The following BCAS3 variants were observed in gnomAD, a reference collection of about 807,000 sequenced individuals.
BCAS3 encodes BCAS3 microtubule associated cell migration factor, also known as BCAS4/BCAS3 fusion.
Under a neutral mutation model 116.1 loss-of-function variants are expected in BCAS3, and 53 were observed. That is an observed-to-expected ratio of 0.46 (90% CI 0.37 to 0.57). The LOEUF is 0.57. Among genes scored for constraint, BCAS3 ranks in the 20% least tolerant of loss-of-function variants. The pLI is 0.00. For missense variants in BCAS3, 917 were observed against 1,165.4 expected (o/e 0.79, Z 3.10); for synonymous variants, 391 against 408.2 (o/e 0.96, Z 0.51).
chr17:61,309,230 C>T lies in BCAS3; in HGVS notation c.2426-59097C>T, dbSNP rs918106823. Among the ~76,000 whole-genome samples the T allele has an allele frequency of 2.0e-5, 3 of 152,208 alleles. No homozygotes were observed. The highest frequency in any genetic ancestry group is 4.4e-5 in the Non-Finnish European group (3 of 68,042). On this transcript the variant is annotated intron_variant, in intron 22 of 23. Coordinates refer to ENST00000407086, the MANE Select transcript of BCAS3 (RefSeq NM_017679.5). The surrounding 1 kb of genome is among the most constrained non-coding windows in gnomAD (Gnocchi z 4.6). ...TATAAGGGAATTAGATAACTCTCTA[C>T]GTGATTTGCAAACACCTCAAAATTG...
rs2143700652 is a variant in BCAS3 at position 61,392,085 on chromosome 17, A to G, written c.2702A>G (p.Glu901Gly). 6.2e-7 allele frequency: 1 copy of G among 1,613,748 alleles called. No individual in the cohort carries two copies. ...DGYRSPLPTNESQPLSLFPTG... is the reference protein window; with the variant it reads ...DGYRSPLPTNGSQPLSLFPTG... ...TACCGATCTCCGCTGCCCACCAATG[A>G]GAGCCAGCCCCTCAGCCTCTTCCCG... The change falls in exon 24 of 24, where the codon GAG (glutamate) becomes GGG (glycine). Residue 901 changes from glutamate (E) to glycine (G), a missense_variant. Around this residue, in one of 3 missense-constraint regions of BCAS3, gnomAD observed 109 missense variants for 122.8 expected, o/e 0.89. Transcript: ENST00000407086. This position sits in a 1 kb window ranked among gnomAD's most constrained non-coding sequence, Gnocchi z 6.4.
rs1414336793 is a variant in BCAS3, at chr17:61,327,527, CAG to C, written c.2426-40797_2426-40796del. Among the ~76,000 whole-genome samples, 2 of 150,952 alleles carry C rather than the reference CAG, an allele frequency of 1.3e-5. No homozygotes were observed. The highest frequency in any genetic ancestry group is 3.0e-5 in the Non-Finnish European group (2 of 67,796). ...GAAGCAAAATTTTTTTTTTTTTAGA[CAG>C]AGTCTCACTCTGTCACCCAGGCTGG... On this transcript the variant is annotated intron_variant, in intron 22 of 23. Transcript: ENST00000407086. This position sits in a 1 kb window ranked among gnomAD's most constrained non-coding sequence, Gnocchi z 5.9.
In BCAS3 at chr17:61,243,962, T is replaced by TTTTAAG. The variant is rs2047730266; in HGVS notation, c.2426-124362_2426-124361insAAGTTT. The stretch of plus-strand genomic sequence containing the variant: ...TACCACAACCTGCTAATTTTTTAAG[T>TTTTAAG]TTTTTTTTTCAAGAGACAGAGTCTT... On this transcript the variant is annotated intron_variant, in intron 22 of 23. Transcript: ENST00000407086. This position sits in a 1 kb window ranked among gnomAD's most constrained non-coding sequence, Gnocchi z 5.6. Among the ~76,000 whole-genome samples the TTTTAAG allele has an allele frequency of 6.7e-6, 1 of 149,278 alleles. No individual in the cohort carries two copies. The highest frequency in any genetic ancestry group is 2.1e-4 in the South Asian group (1 of 4,706).
chr17:60,963,021 G>A (rs540004246), intron 14 of BCAS3, among the ~76,000 whole-genome samples: 5 of 152,250 alleles, frequency 3.3e-5, no homozygotes, highest in South Asian at 2.1e-4. Context: ...TGTTCTTGGC[G>A]TCTTTGTCAA....
intron 22 of BCAS3, among the ~76,000 whole-genome samples, chr17:61,116,957 G>A (rs1323552983): frequency 1.3e-5 from 2 of 152,012 alleles, no homozygotes; most frequent in African/African-American, 2.4e-5. Context: ...CCTATGATGT[G>A]TCTTCTAGTG....
chr17:61,140,943 GT>G lies in BCAS3; in HGVS notation c.2425+56389del, dbSNP rs377161639. 7.0e-4 allele frequency among the ~76,000 whole-genome samples: 104 copies of G among 148,074 alleles called. No homozygotes were observed. Among genetic ancestry groups the G allele is most frequent in the African/African-American group, 1.3e-3 (52 of 40,370 alleles). On this transcript the variant is annotated intron_variant, in intron 22 of 23. Coordinates refer to ENST00000407086, the MANE Select transcript of BCAS3 (RefSeq NM_017679.5). The surrounding 1 kb of genome is among the most constrained non-coding windows in gnomAD (Gnocchi z 4.2). ...CCCTGTGCTCTTTGTCCATTTGAGT[GT>G]TTTTTTTTTCCCCCAAAAGTATAAT... is the stretch of plus-strand genomic sequence containing the variant.
At chr17:60,756,070 C>T (rs1307503852) in intron 6 of BCAS3, among the ~76,000 whole-genome samples, 2 of 151,506 alleles carry the variant, frequency 1.3e-5, no homozygotes, top group Admixed American at 6.6e-5. Flanking sequence ...ACCTTTTTGA[C>T]ATCAGGGACC....
At chr17:61,350,553 G>A (rs1177076482) in intron 22 of BCAS3, among the ~76,000 whole-genome samples, 1 of 151,850 alleles carries the variant, frequency 6.6e-6, no homozygotes, top group Non-Finnish European at 1.5e-5. Context: ...TATTCACAAA[G>A]CCAAGATATG....
intron 22 of BCAS3, among the ~76,000 whole-genome samples, chr17:61,268,594 G>T (rs60520713): frequency 0.073 from 10,983 of 149,968 alleles, 719 homozygotes; most frequent in African/African-American, 0.18. Flanking sequence ...TGTTTTTTTT[G>T]TTTTTTGAGA....
Position 60,807,985 on chromosome 17 carries a change from A to G in BCAS3, c.404-19A>G. 3 of 1,556,122 alleles carry G rather than the reference A, an allele frequency of 1.9e-6. No homozygotes were observed. Among genetic ancestry groups the G allele is most frequent in the Non-Finnish European group, 2.6e-6 (3 of 1,133,130 alleles). Reference sequence around the variant, plus strand: ...TAATATTCCTCAAAGCTTACAATTTATTTTATCCTTCCTGTCAGGTGCTCA... The same window carrying G: ...TAATATTCCTCAAAGCTTACAATTTGTTTTATCCTTCCTGTCAGGTGCTCA... On this transcript the variant is annotated intron_variant, in intron 6 of 23. Coordinates refer to ENST00000407086, the MANE Select transcript of BCAS3 (RefSeq NM_017679.5).
At chr17:61,386,228 CA>C (rs1224883815) in intron 23 of BCAS3, among the ~76,000 whole-genome samples, 3 of 152,202 alleles carry the variant, frequency 2.0e-5, no homozygotes, top group African/African-American at 4.8e-5. Flanking sequence ...AGCAGGTGGC[CA>C]GGGGGTGTGC....
intron 4 of BCAS3, among the ~76,000 whole-genome samples, chr17:60,707,143 A>G (rs2037265993): frequency 6.6e-6 from 1 of 151,742 alleles, no homozygotes; most frequent in Non-Finnish European, 1.5e-5. Flanking sequence ...AGGCATACGC[A>G]CCACCATGCC....
At chr17:61,212,323 G>A (rs1042650158) in intron 22 of BCAS3, among the ~76,000 whole-genome samples, 2 of 152,086 alleles carry the variant, frequency 1.3e-5, no homozygotes, top group South Asian at 2.1e-4. Flanking sequence ...CTGCAGCCTC[G>A]AACTCCTGGG....
At chr17:61,046,400 T>C (rs2068354715) in intron 19 of BCAS3, among the ~76,000 whole-genome samples, 2 of 151,458 alleles carry the variant, frequency 1.3e-5, no homozygotes, top group Non-Finnish European at 2.9e-5. Flanking sequence ...ATATAGTCAT[T>C]CCTTGGTGTC....
intron 22 of BCAS3, among the ~76,000 whole-genome samples, chr17:61,206,598 G>A (rs1000070008): frequency 6.6e-6 from 1 of 151,778 alleles, no homozygotes; most frequent in East Asian, 1.9e-4. Context: ...TCAGGAGTTC[G>A]AGACCAGCCT....
intron 22 of BCAS3, among the ~76,000 whole-genome samples, chr17:61,331,201 A>G (rs1431765682): frequency 6.6e-6 from 1 of 152,102 alleles, no homozygotes; most frequent in Admixed American, 6.6e-5. Context: ...TAGGGGATGG[A>G]GAAGATGGGG....
rs1468586471 is a variant in BCAS3 at position 61,130,439 on chromosome 17, G to C, written c.2425+45875G>C. On this transcript the variant is annotated intron_variant, in intron 22 of 23. Coordinates refer to ENST00000407086, the MANE Select transcript of BCAS3 (RefSeq NM_017679.5). This position sits in a 1 kb window ranked among gnomAD's most constrained non-coding sequence, Gnocchi z 5.0. ...CAAAACCGATTCTTAATTACCTCTT[G>C]CCTGGGACACTGCAGAAGTAACCAA... Among the ~76,000 whole-genome samples the C allele has an allele frequency of 6.6e-6, 1 of 152,076 alleles. No homozygotes were observed. The highest frequency in any genetic ancestry group is 1.5e-5 in the Non-Finnish European group (1 of 68,020).
At chr17:60,804,068 G>T (rs1234039217) in intron 6 of BCAS3, among the ~76,000 whole-genome samples, 1 of 150,868 alleles carries the variant, frequency 6.6e-6, no homozygotes, top group Non-Finnish European at 1.5e-5. Flanking sequence ...CTCCCAAAGT[G>T]CTGGGATTAC....
chr17:60,801,800 T>C (rs959855345), intron 6 of BCAS3, among the ~76,000 whole-genome samples: 1 of 152,186 alleles, frequency 6.6e-6, no homozygotes, highest in Non-Finnish European at 1.5e-5. Context: ...GATAAAATCG[T>C]AGTTTTTTGT....
Sources: gnomAD v4.1 joint callset for allele counts (sites outside exome capture counted in the v4.1 genomes callset) on GRCh38, gnomAD v4.1.1 for gene constraint, gnomAD v4.1.1 regional missense constraint, Gnocchi (gnomAD v3.1) non-coding constraint, MANE v1.5 for transcripts, NCBI Gene and HGNC (gene_info 2026-07-23, HGNC 2026-07-21) for gene names.